Variants in SSBP4 observed in about 807,000 individuals in gnomAD.
SSBP4 encodes the protein single stranded DNA binding protein 4.
Under a neutral mutation model 64.6 loss-of-function variants are expected in SSBP4, and 33 were observed. The ratio of observed to expected loss-of-function variants is 0.51; its 90% confidence interval spans 0.39 to 0.68. The LOEUF (loss-of-function observed/expected upper bound fraction) is 0.68, where lower values mean the gene tolerates loss of function less well. Ranked by LOEUF, SSBP4 falls within the 30% of genes least tolerant of loss-of-function variation. The pLI, the probability that SSBP4 is intolerant of heterozygous loss-of-function variation, is 0.00. For missense variants in SSBP4, 583 were observed against 566.8 expected, an observed-to-expected ratio of 1.03 and a Z score of -0.29; for synonymous variants, 243 against 224.0, an observed-to-expected ratio of 1.08 and a Z score of -0.76.
intron 1 of SSBP4, 49 bp downstream of exon 1, chr19:18,419,756 G>T (rs1298768495): frequency 9.0e-7 from 1 of 1,109,444 alleles, no homozygotes. Flanking sequence ...TCTTCCGTGG[G>T]CTCCGGCGCG....
At chr19:18,412,945 G>A in the SSBP4 span, among the ~76,000 whole-genome samples, 1 of 152,058 alleles carries the variant, frequency 6.6e-6, no homozygotes, top group South Asian at 2.1e-4. Context: ...TACCTGGGAG[G>A]TGACCCCAGG....
chr19:18,434,240 C>A lies in SSBP4; in HGVS notation c.1152C>A (p.Ser384Arg), dbSNP rs202218305. Reference sequence around the variant, plus strand: ...AGTACTCGCCAGGGATGACCATGAGCGTGTGATGGGGCGGCAGCCCCGGGC... The same window carrying A: ...AGTACTCGCCAGGGATGACCATGAGAGTGTGATGGGGCGGCAGCCCCGGGC... ...SESYSPGMTM[S>R]V Residue 384 changes from serine (S) to arginine (R), a missense_variant, in exon 18 of 18, where the codon AGC becomes AGA. Coordinates refer to ENST00000270061, the MANE Select transcript of SSBP4 (RefSeq NM_032627.5). 1.4e-5 allele frequency: 23 copies of A among 1,611,756 alleles called. No homozygotes were observed. In the African/African-American group the frequency reaches 2.9e-4, roughly 21 times the overall value.
At chr19:18,431,254 A>G in intron 5 of SSBP4, 99 bp from the exon 6 acceptor site, 1 of 616,960 alleles carries the variant, frequency 1.6e-6, no homozygotes. Flanking sequence ...CCTGTCCCAC[A>G]GGCTGGCCCA....
chr19:18,402,963 C>G, the SSBP4 span, among the ~76,000 whole-genome samples: 5 of 152,154 alleles, frequency 3.3e-5, no homozygotes, highest in Admixed American at 3.3e-4. Flanking sequence ...GCCTCTGTCT[C>G]CTGCCTGCCC....
chr19:18,414,281 T>C (rs921162652), upstream of SSBP4, among the ~76,000 whole-genome samples: 2 of 152,156 alleles, frequency 1.3e-5, no homozygotes, highest in Non-Finnish European at 2.9e-5. Context: ...GTCGCTCACA[T>C]GACGTCCTTG....
chr19:18,420,898 G>A (rs1008165550), intron 1 of SSBP4, among the ~76,000 whole-genome samples: 1 of 151,926 alleles, frequency 6.6e-6, no homozygotes, highest in Non-Finnish European at 1.5e-5. Flanking sequence ...GAGGAGGGGA[G>A]TCTTGTCATA....
At chr19:18,432,241 G>A in intron 10 of SSBP4, 27 bp downstream of exon 10, 5 of 1,609,468 alleles carry the variant, frequency 3.1e-6, no homozygotes, top group Non-Finnish European at 4.2e-6. Context: ...TCCTAGGAGT[G>A]TGCAGTTCGC....
At chr19:18,419,036 C>G (rs1432876441), upstream of SSBP4, 9 of 985,480 alleles carry the variant, frequency 9.1e-6, no homozygotes, top group Admixed American at 1.2e-4. Context: ...TGGGGCTATC[C>G]GCAGTCGTTC....
At chr19:18,420,183 G>A (rs1487880805) in intron 1 of SSBP4, 1 of 152,108 alleles carries the variant, frequency 6.6e-6, no homozygotes, top group East Asian at 1.9e-4. Context: ...AGTCGCCTGG[G>A]GTAGAGCTGG....
chr19:18,424,543 A>G (rs570575675), intron 1 of SSBP4, among the ~76,000 whole-genome samples: 2 of 144,388 alleles, frequency 1.4e-5, no homozygotes, highest in African/African-American at 5.2e-5. Context: ...CTGGGGTGAC[A>G]GGGCAGCCAG....
chr19:18,434,501 C>T lies in SSBP4; in HGVS notation c.*255C>T, dbSNP rs1236991590. 8 of 675,534 alleles carry T rather than the reference C, an allele frequency of 1.2e-5. No homozygotes were observed. The highest frequency in any genetic ancestry group is 1.1e-4 in the African/African-American group (6 of 54,062). 41.8% of individuals were successfully genotyped at this position (675,534 alleles called of 1,614,324 possible). ...GAGAAAGGCTCTTTGGGGGGCCCCT[C>T]TCCCCAGGACGTCAGGGGGTGGGGC... On this transcript the variant is annotated 3_prime_UTR_variant, in exon 18 of 18. Coordinates refer to ENST00000270061, the MANE Select transcript of SSBP4 (RefSeq NM_032627.5).
At chr19:18,431,568 G>A in intron 6 of SSBP4, 79 bp from the exon 7 acceptor site, 3 of 1,492,156 alleles carry the variant, frequency 2.0e-6, no homozygotes, top group Non-Finnish European at 2.7e-6. Context: ...CAGGTCGGGG[G>A]CCCCAGCATA....
At chr19:18,430,109 G>A (rs1160720611) in intron 4 of SSBP4, among the ~76,000 whole-genome samples, 2 of 152,184 alleles carry the variant, frequency 1.3e-5, no homozygotes, top group African/African-American at 4.8e-5. Context: ...TTTGGGGTTT[G>A]GGGCTTGGCC....
At chr19:18,429,472 G>C (rs111679852) in intron 4 of SSBP4, among the ~76,000 whole-genome samples, 2 of 68,156 alleles carry the variant, frequency 2.9e-5, no homozygotes, top group African/African-American at 2.0e-4. Flanking sequence ...GCAGGGGGCG[G>C]GGGGGGGGTG....
intron 1 of SSBP4, among the ~76,000 whole-genome samples, chr19:18,424,441 TG>T (rs1318424296): frequency 6.6e-6 from 1 of 151,796 alleles, no homozygotes; most frequent in Non-Finnish European, 1.5e-5. Flanking sequence ...CGGAGCAGGG[TG>T]GGGGCTTCCA....
the SSBP4 span, among the ~76,000 whole-genome samples, chr19:18,413,430 T>G: frequency 6.6e-6 from 1 of 152,044 alleles, no homozygotes; most frequent in African/African-American, 2.4e-5. Context: ...GCCAGGATGG[T>G]CTCAAACTCC....
intron 4 of SSBP4, among the ~76,000 whole-genome samples, chr19:18,428,970 G>C (rs1179138769): frequency 6.6e-6 from 1 of 152,214 alleles, no homozygotes; most frequent in Non-Finnish European, 1.5e-5. Flanking sequence ...ATCCTCTCTG[G>C]GCGCCCCCCG....
intron 1 of SSBP4, among the ~76,000 whole-genome samples, chr19:18,424,565 G>T (rs1285286896): frequency 6.6e-6 from 1 of 151,892 alleles, no homozygotes; most frequent in African/African-American, 2.4e-5. Context: ...GTGTGGGTCG[G>T]GGCGGGGGGC....
At chr19:18,433,367 C>A in intron 15 of SSBP4, 154 bp downstream of exon 15, 1 of 1,268,046 alleles carries the variant, frequency 7.9e-7, no homozygotes, top group Non-Finnish European at 1.1e-6. Flanking sequence ...CTGCCCCGAG[C>A]TGGAGGGGGA....
Sources: allele counts gnomAD v4.1 joint callset (sites outside exome capture counted in the v4.1 genomes callset), GRCh38; gene constraint gnomAD v4.1.1; transcripts MANE v1.5; gene names NCBI Gene and HGNC (gene_info 2026-07-23, HGNC 2026-07-21).